Variants in FOCAD observed in about 807,000 individuals in gnomAD.
FOCAD encodes KIAA1797.
Under a neutral mutation model 225.6 loss-of-function variants are expected in FOCAD, and 198 were observed. The observed-to-expected ratio is 0.88, with a 90% CI of 0.78 to 0.99. The LOEUF (loss-of-function observed/expected upper bound fraction) is 0.99, where lower values mean the gene tolerates loss of function less well. FOCAD is among the 50% of genes least tolerant of loss of function. The pLI, the probability that FOCAD is intolerant of heterozygous loss-of-function variation, is 0.00. For synonymous variants in FOCAD, 897 were observed against 755.0 expected (o/e 1.19, Z -3.08); for missense variants, 2,713 against 2,123.6 (o/e 1.28, Z -5.46).
At chr9:20,948,535 T>G (rs556024853) in intron 31 of FOCAD, 142 bp downstream of exon 31, 1 of 911,166 alleles carries the variant, frequency 1.1e-6, no homozygotes, top group Admixed American at 3.0e-5. Flanking sequence ...ATCACATACT[T>G]TTAAATCCCT....
intron 15 of FOCAD, 33 bp from the exon 16 acceptor site, chr9:20,862,545 G>A (rs771433658): frequency 1.2e-6 from 2 of 1,606,424 alleles, no homozygotes; most frequent in Non-Finnish European, 1.7e-6. Flanking sequence ...TTGGAGTCTT[G>A]TTAGGTGTTG....
Position 20,819,495 on chromosome 9 carries a change from T to C in FOCAD, c.1456-301T>C, listed in dbSNP as rs563005336. ...TCTCAAAGTGCTGGGATTACAGGTGTGAGCCACCATGCTTGGCAAGGCAGG... is the reference window on the plus strand; with the variant it reads ...TCTCAAAGTGCTGGGATTACAGGTGCGAGCCACCATGCTTGGCAAGGCAGG... On this transcript the variant is annotated intron_variant, in intron 11 of 43. Coordinates refer to ENST00000338382, the MANE Select transcript of FOCAD (RefSeq NM_001375567.1). 1.1e-4 allele frequency among the ~76,000 whole-genome samples: 17 copies of C among 152,256 alleles called. 1 individual carries two copies. The highest frequency in any genetic ancestry group is 1.0e-3 in the Admixed American group (16 of 15,276).
At chr9:20,874,058 A>G (rs1028842643) in intron 18 of FOCAD, 8 of 152,218 alleles carry the variant, frequency 5.3e-5, no homozygotes, top group Admixed American at 3.9e-4. Context: ...AAACCTAACT[A>G]ATCAAAGAGC....
At chr9:20,679,627 A>G (rs1017192331), upstream of FOCAD, among the ~76,000 whole-genome samples, 1 of 152,104 alleles carries the variant, frequency 6.6e-6, no homozygotes, top group Non-Finnish European at 1.5e-5. Context: ...CTGACTTCAA[A>G]ATGTGTGCTT....
chr9:20,944,566 G>C, intron 28 of FOCAD, 61 bp from the exon 29 acceptor site: 1 of 1,565,372 alleles, frequency 6.4e-7, no homozygotes, highest in Admixed American at 1.7e-5. Context: ...CCCGTGGTAA[G>C]TGAAGAGCAA....
chr9:20,842,863 T>C (rs147714728), intron 15 of FOCAD, among the ~76,000 whole-genome samples: 1 of 152,124 alleles, frequency 6.6e-6, no homozygotes, highest in African/African-American at 2.4e-5. Context: ...AATTTTTACT[T>C]TTTATTTTTT....
At chr9:20,900,600 A>G (rs541191637) in intron 21 of FOCAD, among the ~76,000 whole-genome samples, 24 of 152,068 alleles carry the variant, frequency 1.6e-4, no homozygotes, top group Admixed American at 3.3e-4. Flanking sequence ...ACAAGGAATA[A>G]TGTTAGCATC....
At chr9:20,769,746 T>G (rs1327173267) in intron 7 of FOCAD, among the ~76,000 whole-genome samples, 1 of 152,216 alleles carries the variant, frequency 6.6e-6, no homozygotes, top group Admixed American at 6.5e-5. Context: ...TCATGTAACT[T>G]GTTTTAAGAC....
intron 2 of FOCAD, among the ~76,000 whole-genome samples, chr9:20,679,121 A>ATATG (rs1554650517): frequency 5.3e-4 from 65 of 122,040 alleles, no homozygotes; most frequent in African/African-American, 1.7e-3. Flanking sequence ...CAGTCTGTGT[A>ATATG]TGTGTGTGTG....
At chr9:20,957,180 C>T (rs1180805322) in intron 35 of FOCAD, among the ~76,000 whole-genome samples, 2 of 152,124 alleles carry the variant, frequency 1.3e-5, no homozygotes. Flanking sequence ...CCTTCTGCCT[C>T]AGCCCCCCAG....
At chr9:20,869,303 TA>T (rs915980580) in intron 18 of FOCAD, among the ~76,000 whole-genome samples, 1 of 152,162 alleles carries the variant, frequency 6.6e-6, no homozygotes, top group Non-Finnish European at 1.5e-5. Context: ...ACCGGTGGAA[TA>T]AACTTTTGAG....
At chr9:20,813,527 T>A (rs922020210) in intron 11 of FOCAD, among the ~76,000 whole-genome samples, 1 of 152,216 alleles carries the variant, frequency 6.6e-6, no homozygotes, top group Non-Finnish European at 1.5e-5. Flanking sequence ...TCTGATTTTT[T>A]AAATAATGTT....
upstream of FOCAD, among the ~76,000 whole-genome samples, chr9:20,656,374 G>T (rs1174048541): frequency 6.6e-6 from 1 of 151,736 alleles, no homozygotes; most frequent in African/African-American, 2.4e-5. Flanking sequence ...GTTGACAGTG[G>T]GGTGTTAAAG....
intron 2 of FOCAD, among the ~76,000 whole-genome samples, chr9:20,660,711 A>G (rs1485376860): frequency 1.3e-5 from 2 of 152,210 alleles, no homozygotes; most frequent in East Asian, 1.9e-4. Flanking sequence ...AAAAGTGTTC[A>G]CTGGATGTGA....
Position 20,691,241 on chromosome 9 carries a change from C to T in FOCAD, c.-33+6948C>T, listed in dbSNP as rs371116867. 1.3e-4 allele frequency among the ~76,000 whole-genome samples: 20 copies of T among 152,174 alleles called. No individual in the cohort carries two copies. In the East Asian group the frequency reaches 2.9e-3, roughly 22 times the overall value. On this transcript the variant is annotated intron_variant, in intron 1 of 43. Transcript: ENST00000338382. ...TACAGGTGTGAGCCATAGTGCTGGC[C>T]CAATCTCTGCTTCTTAAAGCACTTT...
At chr9:20,827,754 G>A (rs949787010) in intron 15 of FOCAD, among the ~76,000 whole-genome samples, 3 of 152,008 alleles carry the variant, frequency 2.0e-5, no homozygotes, top group African/African-American at 4.8e-5. Context: ...AGAGGGAAGA[G>A]GAAATAGGAG....
intron 21 of FOCAD, 85 bp from the exon 22 acceptor site, chr9:20,907,065 A>T: frequency 9.2e-7 from 1 of 1,081,304 alleles, no homozygotes; most frequent in Admixed American, 2.1e-5. Context: ...CACTTAAGGA[A>T]AAGAAAGAAC....
At chr9:20,852,651 G>A (rs1827783767) in intron 15 of FOCAD, among the ~76,000 whole-genome samples, 1 of 151,704 alleles carries the variant, frequency 6.6e-6, no homozygotes, top group African/African-American at 2.4e-5. Context: ...TTTCTCTAAA[G>A]TGGTCTTAGT....
chr9:20,722,348 C>T (rs1263370570), intron 4 of FOCAD, among the ~76,000 whole-genome samples: 1 of 152,166 alleles, frequency 6.6e-6, no homozygotes, highest in Non-Finnish European at 1.5e-5. Flanking sequence ...CTTCCTGAGC[C>T]CTTGTGTGTG....
Sources: allele counts gnomAD v4.1 joint callset (sites outside exome capture counted in the v4.1 genomes callset), GRCh38; gene constraint gnomAD v4.1.1; transcripts MANE v1.5; gene names NCBI Gene and HGNC (gene_info 2026-07-23, HGNC 2026-07-21).